The following ARHGAP10 variants were observed in gnomAD, a reference collection of about 807,000 sequenced individuals.
ARHGAP10 encodes rho GTPase-activating protein 10.
Under a neutral mutation model 108.6 loss-of-function variants are expected in ARHGAP10, and 87 were observed. The ratio of observed to expected loss-of-function variants is 0.80; its 90% CI spans 0.67 to 0.96. The LOEUF (loss-of-function observed/expected upper bound fraction) is 0.96, where lower values mean the gene tolerates loss of function less well. Among genes scored for constraint, ARHGAP10 ranks in the 40% least tolerant of loss-of-function variants. ARHGAP10 has a pLI of 0.00. For synonymous variants in ARHGAP10, 347 were observed against 341.1 expected, an observed-to-expected ratio of 1.02 and a Z score of -0.19; for missense variants, 939 against 954.5, an observed-to-expected ratio of 0.98 and a Z score of 0.21.
chr4:147,789,549 G>C (rs1731035074), intron 1 of ARHGAP10, among the ~76,000 whole-genome samples: 1 of 152,280 alleles, frequency 6.6e-6, no homozygotes, highest in Middle Eastern at 3.4e-3. Context: ...GCTGATTACA[G>C]GCGTGAGCCA....
Position 148,063,153 on chromosome 4 carries a change from G to T in ARHGAP10, c.2033G>T (p.Gly678Val). Residue 678 changes from glycine to valine, a missense_variant, in exon 21 of 23, where the codon GGC becomes GTC. Transcript: ENST00000336498. ...SFGDWASTIP[G>V]QTRSSMVQWL... ...CTTCAAACTCCTACCCTTAGCCCAG[G>T]CCAGACCCGATCGTCTATGGTCCAG... The T allele has an allele frequency of 1.2e-6, 2 of 1,614,104 alleles. No individual in the cohort carries two copies. The highest frequency in any genetic ancestry group is 1.7e-6 in the Non-Finnish European group (2 of 1,180,022).
At chr4:148,020,535 A>C (rs1357502384) in intron 18 of ARHGAP10, among the ~76,000 whole-genome samples, 1 of 146,306 alleles carries the variant, frequency 6.8e-6, no homozygotes. Context: ...AAGTGAGAAC[A>C]TGCGTTTTTT....
intron 1 of ARHGAP10, among the ~76,000 whole-genome samples, chr4:147,763,879 T>A (rs1729689013): frequency 6.6e-6 from 1 of 151,558 alleles, no homozygotes; most frequent in Non-Finnish European, 1.5e-5. Context: ...CTCAGCCTCC[T>A]GAGTAGCTGG....
At chr4:147,959,240 T>G (rs984053622) in intron 16 of ARHGAP10, among the ~76,000 whole-genome samples, 7 of 152,132 alleles carry the variant, frequency 4.6e-5, no homozygotes, top group Non-Finnish European at 1.0e-4. Context: ...AGTATTTTTT[T>G]TTTTGTTTTT....
chr4:147,757,722 C>T (rs1025043846), intron 1 of ARHGAP10, among the ~76,000 whole-genome samples: 1 of 152,244 alleles, frequency 6.6e-6, no homozygotes, highest in African/African-American at 2.4e-5. Context: ...GGGTACTTAA[C>T]CTGTTCTTCA....
intron 15 of ARHGAP10, among the ~76,000 whole-genome samples, chr4:147,951,822 A>G (rs990687522): frequency 2.0e-5 from 3 of 152,132 alleles, no homozygotes; most frequent in African/African-American, 7.2e-5. Flanking sequence ...GCATATATTT[A>G]TAGTGTAAGT....
intron 10 of ARHGAP10, among the ~76,000 whole-genome samples, chr4:147,896,074 C>G (rs1487887818): frequency 6.6e-6 from 1 of 152,170 alleles, no homozygotes; most frequent in African/African-American, 2.4e-5. Flanking sequence ...TCTACTTGGT[C>G]ATGATGTACT....
At chr4:147,948,670 T>C (rs1002953714) in intron 15 of ARHGAP10, among the ~76,000 whole-genome samples, 5 of 152,074 alleles carry the variant, frequency 3.3e-5, no homozygotes, top group African/African-American at 1.2e-4. Context: ...CAAGAATGCA[T>C]TGTAGGCCGG....
intron 1 of ARHGAP10, among the ~76,000 whole-genome samples, chr4:147,751,887 T>G (rs1579000087): frequency 2.0e-5 from 3 of 149,084 alleles, no homozygotes; most frequent in African/African-American, 7.6e-5. Context: ...CCTTTAGTTT[T>G]TTTTTTTTTT....
intron 7 of ARHGAP10, among the ~76,000 whole-genome samples, chr4:147,873,980 C>G (rs992716657): frequency 6.6e-6 from 1 of 151,630 alleles, no homozygotes; most frequent in Non-Finnish European, 1.5e-5. Context: ...CTTACACTTT[C>G]TTACAGGACA....
intron 20 of ARHGAP10, among the ~76,000 whole-genome samples, chr4:148,056,272 G>C (rs958757421): frequency 1.3e-5 from 2 of 152,190 alleles, no homozygotes; most frequent in African/African-American, 4.8e-5. Context: ...GTGGTAGATG[G>C]AGAGTGCCAG....
intron 10 of ARHGAP10, among the ~76,000 whole-genome samples, chr4:147,884,607 C>A (rs1445663105): frequency 6.6e-6 from 1 of 152,184 alleles, no homozygotes; most frequent in Non-Finnish European, 1.5e-5. Flanking sequence ...GGGACCTAAT[C>A]TAGTTTAGGT....
chr4:147,968,183 G>GA (rs1262905033), intron 18 of ARHGAP10, among the ~76,000 whole-genome samples: 1 of 151,970 alleles, frequency 6.6e-6, no homozygotes, highest in Non-Finnish European at 1.5e-5. Context: ...GGAACATAAG[G>GA]AAAAAATGGT....
chr4:147,924,082 G>A (rs1737354108), intron 13 of ARHGAP10, among the ~76,000 whole-genome samples: 1 of 152,232 alleles, frequency 6.6e-6, no homozygotes, highest in African/African-American at 2.4e-5. Flanking sequence ...GGTGTCTGCA[G>A]AAATGCAAAT....
Position 147,892,983 on chromosome 4 carries a change from C to T in ARHGAP10, c.1034+11051C>T, listed in dbSNP as rs568921511. Among the ~76,000 whole-genome samples, 68 of 152,292 alleles carry T rather than the reference C, an allele frequency of 4.5e-4. 1 individual carries two copies. Among genetic ancestry groups the T allele is most frequent in the African/African-American group, 1.5e-3 (61 of 41,554 alleles). On this transcript the variant is annotated intron_variant, in intron 10 of 22. Transcript: ENST00000336498. ...CATCTGCTCCAAAATGTCAGGAGTGCCACTGTTGAGAAGTCCTGATTTAAT... is the reference window on the plus strand; with the variant it reads ...CATCTGCTCCAAAATGTCAGGAGTGTCACTGTTGAGAAGTCCTGATTTAAT...
At chr4:147,739,951 G>C (rs921576063) in intron 1 of ARHGAP10, among the ~76,000 whole-genome samples, 9 of 151,982 alleles carry the variant, frequency 5.9e-5, no homozygotes, top group Admixed American at 3.9e-4. Context: ...GGCCAGGCTG[G>C]TCTCGAACTC....
intron 20 of ARHGAP10, among the ~76,000 whole-genome samples, chr4:148,055,745 C>T (rs1729335277): frequency 6.6e-6 from 1 of 152,148 alleles, no homozygotes; most frequent in Admixed American, 6.5e-5. Flanking sequence ...ACTGCTTTTA[C>T]GTGCTGGCTT....
intron 1 of ARHGAP10, among the ~76,000 whole-genome samples, chr4:147,789,211 A>G (rs899575488): frequency 5.9e-5 from 9 of 152,204 alleles, no homozygotes; most frequent in Non-Finnish European, 1.0e-4. Flanking sequence ...TCAGCATGGC[A>G]TAATTATTAT....
intron 1 of ARHGAP10, among the ~76,000 whole-genome samples, chr4:147,809,909 G>A (rs1731947952): frequency 6.6e-6 from 1 of 152,052 alleles, no homozygotes; most frequent in African/African-American, 2.4e-5. Flanking sequence ...AGGAGATTTA[G>A]GATAACGCTT....
Sources: gnomAD v4.1 joint callset for allele counts (sites outside exome capture counted in the v4.1 genomes callset) on GRCh38, gnomAD v4.1.1 for gene constraint, MANE v1.5 for transcripts, NCBI Gene and HGNC (gene_info 2026-07-23, HGNC 2026-07-21) for gene names.